KPNA3: variants seen among roughly 807,000 people sequenced by gnomAD.
KPNA3 encodes the protein karyopherin subunit alpha 3.
KPNA3 carries 13 observed loss-of-function variants against 73.8 expected under a neutral mutation model. The observed-to-expected ratio is 0.18, with a 90% CI of 0.11 to 0.28. KPNA3 has a LOEUF of 0.28. KPNA3 is among the 10% of genes least tolerant of loss of function. The pLI is 1.00. For synonymous variants in KPNA3, 186 were observed against 206.9 expected (o/e 0.90, Z 0.87); for missense variants, 360 against 618.1 (o/e 0.58, Z 4.43).
intron 2 of KPNA3, among the ~76,000 whole-genome samples, chr13:49,744,375 G>A (rs1954599026): frequency 6.6e-6 from 1 of 152,176 alleles, no homozygotes; most frequent in Non-Finnish European, 1.5e-5. Flanking sequence ...TAAAGGAGTT[G>A]ACAGGGAATG....
intron 10 of KPNA3, among the ~76,000 whole-genome samples, chr13:49,718,451 C>T (rs903936836): frequency 1.4e-4 from 21 of 152,094 alleles, no homozygotes; most frequent in African/African-American, 5.1e-4. Flanking sequence ...ATAAACACAA[C>T]CAACAGATGG....
chr13:49,705,813 AT>A, intron 14 of KPNA3, 30 bp from the exon 15 acceptor site: 1 of 1,501,976 alleles, frequency 6.7e-7, no homozygotes. Context: ...AAATATTTTT[AT>A]TTATATAATT....
intron 1 of KPNA3, among the ~76,000 whole-genome samples, chr13:49,760,559 A>G (rs1288483183): frequency 6.6e-6 from 1 of 152,232 alleles, no homozygotes; most frequent in Admixed American, 6.5e-5. Context: ...CACATCAATC[A>G]ATCAATCGCA....
intron 15 of KPNA3, 79 bp from the exon 16 acceptor site, chr13:49,702,559 G>A: frequency 2.8e-6 from 2 of 714,476 alleles, no homozygotes; most frequent in Non-Finnish European, 4.6e-6. Context: ...TTTTAATCAT[G>A]GAGAAATCCT....
At chr13:49,721,819 T>C in intron 9 of KPNA3, 136 bp downstream of exon 9, 2 of 557,626 alleles carry the variant, frequency 3.6e-6, no homozygotes, top group Non-Finnish European at 5.7e-6. Flanking sequence ...GACTCCGTTA[T>C]CAAACAAACA....
intron 2 of KPNA3, among the ~76,000 whole-genome samples, chr13:49,738,285 T>A (rs373666692): frequency 6.6e-6 from 1 of 152,232 alleles, no homozygotes; most frequent in Non-Finnish European, 1.5e-5. Flanking sequence ...AGCTTTCATA[T>A]TGCGTGAAGT....
chr13:49,706,174 AG>A lies in KPNA3; in HGVS notation c.1138-6del, dbSNP rs746378470. The A allele has an allele frequency of 1.9e-6, 3 of 1,613,510 alleles. No homozygotes were observed. The highest frequency in any genetic ancestry group is 2.5e-6 in the Non-Finnish European group (3 of 1,179,872). ...TTTTTGTGTTCCAAAGTCCCCCTGA[AG>A]GTTAAAAATGAGATCATAAAATGGA... On this transcript the variant is annotated splice_region_variant and splice_polypyrimidine_tract_variant and intron_variant, in intron 13 of 16. Transcript: ENST00000261667.
chr13:49,769,259 T>C (rs1387836461), intron 1 of KPNA3, among the ~76,000 whole-genome samples: 2 of 152,204 alleles, frequency 1.3e-5, no homozygotes, highest in African/African-American at 4.8e-5. Context: ...ATTAGGTGTA[T>C]TTTTCCTTTT....
intron 10 of KPNA3, 55 bp from the exon 11 acceptor site, chr13:49,711,077 T>TG: frequency 6.6e-7 from 1 of 1,520,818 alleles, no homozygotes; most frequent in Non-Finnish European, 8.9e-7. Flanking sequence ...ATGCTTTACT[T>TG]GTTCAACACA....
intron 1 of KPNA3, among the ~76,000 whole-genome samples, chr13:49,788,544 C>T (rs1342447224): frequency 6.6e-6 from 1 of 151,938 alleles, no homozygotes; most frequent in African/African-American, 2.4e-5. Context: ...CATGGCAAAA[C>T]CCCGTCTCTA....
At chr13:49,768,624 G>C (rs1954828834) in intron 1 of KPNA3, among the ~76,000 whole-genome samples, 1 of 113,582 alleles carries the variant, frequency 8.8e-6, no homozygotes, top group Non-Finnish European at 1.7e-5. Flanking sequence ...TCCTCTCCTG[G>C]CATTTAGGTT....
chr13:49,761,625 A>C (rs904267416), intron 1 of KPNA3, among the ~76,000 whole-genome samples: 2 of 152,164 alleles, frequency 1.3e-5, no homozygotes, highest in Admixed American at 1.3e-4. Context: ...TTGGCCTCCC[A>C]AAGTGCCGAG....
At chr13:49,758,324 A>G (rs902065018) in intron 1 of KPNA3, among the ~76,000 whole-genome samples, 2 of 152,186 alleles carry the variant, frequency 1.3e-5, no homozygotes, top group African/African-American at 4.8e-5. Context: ...GCAATCCCTA[A>G]AAATAAAGAA....
At chr13:49,791,598 G>A (rs1955033396) in intron 1 of KPNA3, among the ~76,000 whole-genome samples, 1 of 152,196 alleles carries the variant, frequency 6.6e-6, no homozygotes, top group African/African-American at 2.4e-5. Context: ...ATGAACCTGT[G>A]TATCCAATTT....
Position 49,768,256 on chromosome 13 carries a change from G to T in KPNA3, c.70-21263C>A, listed in dbSNP as rs1048627708. 2.5e-4 allele frequency among the ~76,000 whole-genome samples: 36 copies of T among 141,646 alleles called. 1 individual carries two copies. The highest frequency in any genetic ancestry group is 2.1e-3 in the Admixed American group (28 of 13,584). The allele number at this position is 141,646 out of a possible 152,430, so 92.9% of individuals were successfully genotyped here. A position where few individuals can be genotyped will look rare whatever the true frequency, so the allele number is the denominator to read the frequency against. On this transcript the variant is annotated intron_variant, in intron 1 of 16. Transcript: ENST00000261667. The stretch of plus-strand genomic sequence containing the variant: ...ATCGCGCCACTGCACTCCAGCCTGG[G>T]CAACAGTGCGAGACTCTGTCTCAAA...
intron 1 of KPNA3, among the ~76,000 whole-genome samples, chr13:49,770,040 G>C (rs1420564255): frequency 1.3e-5 from 2 of 152,038 alleles, no homozygotes; most frequent in Non-Finnish European, 2.9e-5. Context: ...CTCCTTCAGG[G>C]AACTGTCCAA....
At chr13:49,755,651 C>G (rs1004373487) in intron 1 of KPNA3, among the ~76,000 whole-genome samples, 1 of 152,190 alleles carries the variant, frequency 6.6e-6, no homozygotes, top group African/African-American at 2.4e-5. Flanking sequence ...ATTAGCTGGG[C>G]GTGGTGGTGC....
intron 2 of KPNA3, among the ~76,000 whole-genome samples, chr13:49,734,247 C>T (rs1409314507): frequency 1.3e-5 from 2 of 152,110 alleles, no homozygotes; most frequent in South Asian, 2.1e-4. Context: ...TCCTAGAATC[C>T]ATTAAGATTT....
intron 1 of KPNA3, among the ~76,000 whole-genome samples, chr13:49,767,848 CAAAGT>C (rs376819415): frequency 5.8e-4 from 88 of 152,278 alleles, no homozygotes; most frequent in African/African-American, 2.1e-3. Context: ...GTTTACTGTA[CAAAGT>C]AAAGTATACC....
Sources: gnomAD v4.1 joint callset for allele counts (sites outside exome capture counted in the v4.1 genomes callset) on GRCh38, gnomAD v4.1.1 for gene constraint, MANE v1.5 for transcripts, NCBI Gene and HGNC (gene_info 2026-07-23, HGNC 2026-07-21) for gene names.